The following LDB2 variants were observed in gnomAD, a reference collection of about 807,000 sequenced individuals.
LDB2 encodes LIM domain-binding protein 2.
In LDB2, 12 loss-of-function variants were observed where a neutral mutation model predicts 44.3. That is an observed-to-expected ratio of 0.27 (90% CI 0.17 to 0.44). The LOEUF is 0.44. Ranked by LOEUF, LDB2 falls within the 20% of genes least tolerant of loss-of-function variation. The pLI is 1.00. For synonymous variants in LDB2, 164 were observed against 174.8 expected (o/e 0.94, Z 0.49); for missense variants, 344 against 473.5 (o/e 0.73, Z 2.54).
intron 2 of LDB2, among the ~76,000 whole-genome samples, chr4:16,655,368 CA>C (rs1296082345): frequency 6.6e-6 from 1 of 152,002 alleles, no homozygotes; most frequent in Non-Finnish European, 1.5e-5. Context: ...GGAGACCTGC[CA>C]GGGGAGCTGT....
chr4:16,863,987 G>A (rs1185423554), intron 1 of LDB2, among the ~76,000 whole-genome samples: 3 of 152,078 alleles, frequency 2.0e-5, no homozygotes, highest in African/African-American at 7.2e-5. Context: ...TTGCCTGGTT[G>A]GATGAAGAGG....
At chr4:16,607,336 T>C (rs559385004) in intron 2 of LDB2, among the ~76,000 whole-genome samples, 59 of 152,338 alleles carry the variant, frequency 3.9e-4, no homozygotes, top group Admixed American at 1.2e-3. Context: ...TCCAAACTCA[T>C]AGGCATCCTC....
intron 1 of LDB2, among the ~76,000 whole-genome samples, chr4:16,763,870 G>T (rs1268439863): frequency 6.6e-6 from 1 of 151,840 alleles, no homozygotes; most frequent in Non-Finnish European, 1.5e-5. Flanking sequence ...GCGTCTGTTT[G>T]CTTGTTGGGT....
At chr4:16,562,470 C>T (rs945137867) in intron 5 of LDB2, among the ~76,000 whole-genome samples, 2 of 152,222 alleles carry the variant, frequency 1.3e-5, no homozygotes, top group African/African-American at 4.8e-5. Context: ...AAAAAATGCT[C>T]ACCATCACTG....
At chr4:16,656,267 T>G (rs930264861) in intron 2 of LDB2, among the ~76,000 whole-genome samples, 9 of 152,224 alleles carry the variant, frequency 5.9e-5, no homozygotes, top group African/African-American at 9.6e-5. Flanking sequence ...CTTAATTTGT[T>G]TCTTAACTGA....
intron 2 of LDB2, among the ~76,000 whole-genome samples, chr4:16,656,755 G>GA (rs775475434): frequency 1.1e-4 from 16 of 152,010 alleles, no homozygotes; most frequent in Non-Finnish European, 2.1e-4. Context: ...GATTCAGCGT[G>GA]ATTTTTTTTC....
intron 2 of LDB2, among the ~76,000 whole-genome samples, chr4:16,638,769 T>C (rs1033170626): frequency 6.6e-6 from 1 of 152,174 alleles, no homozygotes; most frequent in Non-Finnish European, 1.5e-5. Flanking sequence ...TCACTCTTCC[T>C]GCTTTCGAGG....
At chr4:16,890,949 T>G (rs920343256) in intron 1 of LDB2, among the ~76,000 whole-genome samples, 3 of 152,208 alleles carry the variant, frequency 2.0e-5, no homozygotes, top group African/African-American at 4.8e-5. Flanking sequence ...ACTAAGATCC[T>G]GAGAAGCCAA....
At chr4:16,896,099 C>T (rs13152095) in intron 1 of LDB2, among the ~76,000 whole-genome samples, 8,429 of 151,988 alleles carry the variant, frequency 0.055, 264 homozygotes, top group African/African-American at 0.065. Flanking sequence ...AAAATGTAAA[C>T]GGTTAGCTCT....
intron 2 of LDB2, among the ~76,000 whole-genome samples, chr4:16,599,903 C>T (rs1722102831): frequency 2.6e-5 from 4 of 152,090 alleles, no homozygotes; most frequent in Admixed American, 2.6e-4. Context: ...TTGTCCCTGT[C>T]TTTCAAATTC....
intron 1 of LDB2, among the ~76,000 whole-genome samples, chr4:16,890,461 C>G (rs577427894): frequency 4.0e-4 from 61 of 152,282 alleles, no homozygotes; most frequent in African/African-American, 1.2e-3. Context: ...AGAGGTCTGC[C>G]AAATCCTTAA....
At chr4:16,632,524 G>T (rs1732267514) in intron 2 of LDB2, among the ~76,000 whole-genome samples, 1 of 152,176 alleles carries the variant, frequency 6.6e-6, no homozygotes, top group African/African-American at 2.4e-5. Flanking sequence ...ACCAGCACAA[G>T]ACGAGGATGT....
At chr4:16,642,332 T>G (rs886651240) in intron 2 of LDB2, among the ~76,000 whole-genome samples, 1 of 152,010 alleles carries the variant, frequency 6.6e-6, no homozygotes, top group African/African-American at 2.4e-5. Context: ...AAAGGAAATG[T>G]TAAGAAAAGG....
intron 2 of LDB2, among the ~76,000 whole-genome samples, chr4:16,702,330 C>A (rs181095991): frequency 1.3e-5 from 2 of 152,314 alleles, no homozygotes; most frequent in East Asian, 3.9e-4. Context: ...CAACGTATTT[C>A]CTAAGAAGGA....
At chr4:16,520,145 C>T (rs1032158362) in intron 5 of LDB2, among the ~76,000 whole-genome samples, 9 of 152,086 alleles carry the variant, frequency 5.9e-5, no homozygotes, top group Non-Finnish European at 7.4e-5. Flanking sequence ...CCCGCCGCCC[C>T]ACCGCCAGTA....
At chr4:16,587,707 A>C (rs1382796523) in intron 4 of LDB2, among the ~76,000 whole-genome samples, 1 of 152,180 alleles carries the variant, frequency 6.6e-6, no homozygotes, top group East Asian at 1.9e-4. Flanking sequence ...GGAGTGGGAC[A>C]GCTGGGAGAC....
In LDB2 at chr4:16,674,163, G is replaced by A. The variant is rs1006132871; in HGVS notation, c.236-78288C>T. On this transcript the variant is annotated intron_variant, in intron 2 of 7. Transcript: ENST00000304523. ...CATTTTACGCATTTCCAGAATTCAC[G>A]CCTTAAAACAAATTAGAAATAGATT... 49 of 1,035,042 alleles carry A rather than the reference G, an allele frequency of 4.7e-5. No individual in the cohort carries two copies. In the Middle Eastern group the frequency reaches 1.2e-3, roughly 25 times the overall value. 64.1% of individuals were successfully genotyped at this position (1,035,042 alleles called of 1,614,324 possible).
intron 5 of LDB2, chr4:16,581,472 G>A (rs1012116766): frequency 1.0e-6 from 1 of 983,720 alleles, no homozygotes; most frequent in African/African-American, 1.7e-5. Flanking sequence ...AGGGTGTATT[G>A]TTTTGGCTCA....
At chr4:16,583,167 T>C (rs139864967) in intron 5 of LDB2, among the ~76,000 whole-genome samples, 3 of 152,288 alleles carry the variant, frequency 2.0e-5, no homozygotes, top group South Asian at 2.1e-4. Context: ...TAGAATTTCA[T>C]TGGAATAAAT....
Sources: allele counts gnomAD v4.1 joint callset (sites outside exome capture counted in the v4.1 genomes callset), GRCh38; gene constraint gnomAD v4.1.1; transcripts MANE v1.5; gene names NCBI Gene and HGNC (gene_info 2026-07-23, HGNC 2026-07-21).